The following PHF24 variants were observed in gnomAD, a reference collection of about 807,000 sequenced individuals.
PHF24 encodes PHD finger protein 24.
PHF24 carries 25 observed loss-of-function variants against 42.6 expected under a neutral mutation model. That is an observed-to-expected ratio of 0.59 (90% CI 0.43 to 0.82). The LOEUF is 0.82. PHF24 is among the 40% of genes least tolerant of loss of function. The pLI, the probability that PHF24 is intolerant of heterozygous loss-of-function variation, is 0.00. For missense variants in PHF24, 470 were observed against 538.1 expected (o/e 0.87, Z 1.25); for synonymous variants, 185 against 204.8 (o/e 0.90, Z 0.83).
chr9:34,878,548 C>T, the PHF24 span, among the ~76,000 whole-genome samples: 11 of 152,332 alleles, frequency 7.2e-5, no homozygotes, highest in African/African-American at 1.7e-4. Flanking sequence ...TCTTCGCAAA[C>T]GGCACACCAG....
the PHF24 span, among the ~76,000 whole-genome samples, chr9:34,707,411 C>T: frequency 2.6e-5 from 4 of 152,162 alleles, no homozygotes; most frequent in Non-Finnish European, 4.4e-5. Context: ...CACAAGAGTG[C>T]CTGATGTTGA....
At chr9:34,973,152 TG>T (rs1827066607) in intron 3 of PHF24, among the ~76,000 whole-genome samples, 1 of 152,164 alleles carries the variant, frequency 6.6e-6, no homozygotes, top group South Asian at 2.1e-4. Context: ...GGAGATTGAC[TG>T]GGGCCTAATT....
At chr9:34,978,390 A>C in exon 8 of PHF24, 1 of 431,272 alleles carries the variant, frequency 2.3e-6, no homozygotes, top group Non-Finnish European at 4.2e-6. Flanking sequence ...ACACTTATAT[A>C]CATGTGCACA....
At chr9:34,752,017 A>G in the PHF24 span, among the ~76,000 whole-genome samples, 2 of 152,152 alleles carry the variant, frequency 1.3e-5, no homozygotes, top group Non-Finnish European at 2.9e-5. Context: ...TAATGGAAAC[A>G]CAACATACCA....
At chr9:34,963,989 T>G (rs1826684820) in intron 1 of PHF24, among the ~76,000 whole-genome samples, 1 of 152,232 alleles carries the variant, frequency 6.6e-6, no homozygotes, top group Non-Finnish European at 1.5e-5. Context: ...TTTAAGAGGC[T>G]AAAACCCTTA....
At chr9:34,729,729 C>G in the PHF24 span, among the ~76,000 whole-genome samples, 22 of 152,354 alleles carry the variant, frequency 1.4e-4, no homozygotes, top group African/African-American at 5.3e-4. Context: ...TGCCTCGGCT[C>G]TCTCCTTCAC....
exon 6 of PHF24, chr9:34,977,154 T>C (rs1192424845): frequency 1.2e-6 from 2 of 1,613,814 alleles, no homozygotes; most frequent in African/African-American, 1.3e-5. Context: ...CTCGGGGCAG[T>C]GGGAGCACCG....
the PHF24 span, chr9:34,917,566 G>A: frequency 1.3e-6 from 1 of 776,212 alleles, no homozygotes; most frequent in Non-Finnish European, 2.4e-6. Context: ...AGCACCCCTG[G>A]TTTGGCATGG....
chr9:34,780,639 T>C, the PHF24 span, among the ~76,000 whole-genome samples: 1 of 152,108 alleles, frequency 6.6e-6, no homozygotes, highest in Admixed American at 6.6e-5. Context: ...GAAAAATAGG[T>C]AAATTTGATG....
chr9:34,701,124 AGCCC>A, the PHF24 span, among the ~76,000 whole-genome samples: 1 of 152,128 alleles, frequency 6.6e-6, no homozygotes, highest in Non-Finnish European at 1.5e-5. The surrounding 1 kb of genome is among the most constrained non-coding windows in gnomAD (Gnocchi z 5.8). Flanking sequence ...CAACCCATTC[AGCCC>A]AGCCTAGCCT....
chr9:34,867,210 A>G, the PHF24 span, among the ~76,000 whole-genome samples: 418 of 152,352 alleles, frequency 2.7e-3, 1 homozygote, highest in African/African-American at 9.3e-3. Context: ...CTTAGGAAGC[A>G]AAGTTTTTCA....
the PHF24 span, chr9:34,726,867 T>A: frequency 3.2e-6 from 5 of 1,551,654 alleles, no homozygotes; most frequent in Non-Finnish European, 4.4e-6. Context: ...GTCAGGGAGA[T>A]CTGGTTGTTC....
At chr9:34,889,249 A>G in the PHF24 span, 2 of 398,554 alleles carry the variant, frequency 5.0e-6, no homozygotes, top group Non-Finnish European at 8.8e-6. Flanking sequence ...GACCTGGGAT[A>G]GATTTCCTGG....
chr9:34,713,651 G>C, the PHF24 span, among the ~76,000 whole-genome samples: 1 of 152,042 alleles, frequency 6.6e-6, no homozygotes, highest in Non-Finnish European at 1.5e-5. Context: ...TTTTTCTGTA[G>C]TTTAATTTTT....
the PHF24 span, among the ~76,000 whole-genome samples, chr9:34,890,165 A>G: frequency 6.6e-6 from 1 of 152,194 alleles, no homozygotes. Context: ...ATATTTGGCA[A>G]GTTGTGAGCT....
the PHF24 span, chr9:34,709,530 T>C: frequency 1.2e-6 from 2 of 1,614,026 alleles, no homozygotes; most frequent in Non-Finnish European, 1.7e-6. Context: ...CTTTCCTTTC[T>C]TGCCAGTCTT....
chr9:34,879,424 G>A, the PHF24 span, among the ~76,000 whole-genome samples: 2 of 152,120 alleles, frequency 1.3e-5, no homozygotes, highest in African/African-American at 4.8e-5. Flanking sequence ...CCAAGCTAAA[G>A]GAAGATATTC....
chr9:34,976,396 C>T, intron 4 of PHF24, 139 bp from the exon 5 acceptor site: 1 of 1,037,794 alleles, frequency 9.6e-7, no homozygotes, highest in Non-Finnish European at 1.4e-6. Context: ...CCTGTCACAG[C>T]CTGGGTGACC....
At chr9:34,690,175 G>A in the PHF24 span, 19 of 1,612,172 alleles carry the variant, frequency 1.2e-5, no homozygotes, top group African/African-American at 2.7e-5. Context: ...GGGCTAAAAC[G>A]GGAGATGAGG....
Sources: gnomAD v4.1 joint callset for allele counts (sites outside exome capture counted in the v4.1 genomes callset) on GRCh38, gnomAD v4.1.1 for gene constraint, Gnocchi (gnomAD v3.1) non-coding constraint, MANE v1.5 for transcripts, NCBI Gene and HGNC (gene_info 2026-07-23, HGNC 2026-07-21) for gene names.